CA1: variants seen among roughly 807,000 people sequenced by gnomAD.
CA1 encodes the protein carbonate dehydratase I.
CA1 carries 27 observed loss-of-function variants against 28.8 expected under a neutral mutation model. That is an observed-to-expected ratio of 0.94 (90% confidence interval 0.69 to 1.29). The LOEUF is 1.29. CA1 is among the 50% of genes most tolerant of loss of function. CA1 has a pLI of 0.00. For synonymous variants in CA1, 121 were observed against 108.8 expected (o/e 1.11, Z -0.70); for missense variants, 335 against 310.5 (o/e 1.08, Z -0.59).
At chr8:85,340,639 T>A (rs550177201) in intron 2 of CA1, among the ~76,000 whole-genome samples, 3 of 152,114 alleles carry the variant, frequency 2.0e-5, no homozygotes, top group African/African-American at 7.2e-5. Flanking sequence ...TGGATCTGAG[T>A]AAAGGAAATG....
At chr8:85,332,586 G>A in intron 5 of CA1, 34 bp from the exon 6 acceptor site, 1 of 1,522,140 alleles carries the variant, frequency 6.6e-7, no homozygotes, top group Non-Finnish European at 9.1e-7. Flanking sequence ...ATGAGATAAA[G>A]ATTATTATCA....
chr8:85,339,139 T>C (rs931135011), intron 2 of CA1, among the ~76,000 whole-genome samples: 1 of 152,228 alleles, frequency 6.6e-6, no homozygotes, highest in Non-Finnish European at 1.5e-5. Context: ...TAATACAAGC[T>C]TAACTCATTT....
At chr8:85,342,043 A>T (rs1160503876) in intron 1 of CA1, among the ~76,000 whole-genome samples, 2 of 152,140 alleles carry the variant, frequency 1.3e-5, no homozygotes, top group Non-Finnish European at 2.9e-5. Context: ...TTAGTTACCT[A>T]AGCAATATAT....
chr8:85,338,197 T>G (rs1808741083), intron 3 of CA1, 55 bp downstream of exon 3: 1 of 1,420,894 alleles, frequency 7.0e-7, no homozygotes, highest in East Asian at 2.3e-5. Flanking sequence ...CACTATTTTT[T>G]AAATTTTCCC....
chr8:85,329,507 G>A (rs1336173407), intron 7 of CA1, among the ~76,000 whole-genome samples, 182 bp downstream of exon 7: 1 of 151,312 alleles, frequency 6.6e-6, no homozygotes, highest in Admixed American at 6.6e-5. Context: ...GCAAAATAAA[G>A]TATTATAATG....
chr8:85,359,277 G>A (rs150468712), intron 1 of CA1, among the ~76,000 whole-genome samples: 62 of 152,280 alleles, frequency 4.1e-4, no homozygotes, highest in African/African-American at 7.9e-4. Context: ...AAGAAAGGCC[G>A]TAACTGGAAG....
intron 1 of CA1, chr8:85,351,701 C>G (rs567266592): frequency 2.6e-5 from 4 of 152,320 alleles, no homozygotes; most frequent in Non-Finnish European, 5.9e-5. Flanking sequence ...TACTGATTTA[C>G]GAGCAGCTTT....
chr8:85,356,681 C>G (rs983726421), intron 1 of CA1, among the ~76,000 whole-genome samples: 2 of 152,000 alleles, frequency 1.3e-5, no homozygotes, highest in Non-Finnish European at 2.9e-5. Flanking sequence ...TTTACTTAAT[C>G]TTAAAACTAA....
Position 85,329,713 on chromosome 8 carries a change from C to G in CA1, c.645G>C (p.Glu215Asp), listed in dbSNP as rs377158037. Reference protein sequence around the residue: ...YESVTWIICKESISVSSEQLA... With the variant: ...YESVTWIICKDSISVSSEQLA... ...CCTGCTCTGAGCTGACACTGATGCT[C>G]TCCTTACAGATGATCCAAGTTACAC... The change falls in exon 7 of 8, where the codon GAG becomes GAC. Residue 215 changes from glutamate to aspartate, a missense_variant. Glu to Asp is a conservative substitution (Grantham distance 45). Transcript: ENST00000523022. 148 of 1,610,948 alleles carry G rather than the reference C, an allele frequency of 9.2e-5. 1 individual carries two copies. In the Middle Eastern group the frequency reaches 1.6e-3, roughly 18 times the overall value.
intron 7 of CA1, 60 bp downstream of exon 7, chr8:85,329,629 T>C (rs2130115359): frequency 1.5e-6 from 2 of 1,359,362 alleles, no homozygotes; most frequent in Non-Finnish European, 2.1e-6. Context: ...TCACTGATAC[T>C]ATCAATTAAA....
At chr8:85,350,568 T>G (rs1029083067) in intron 1 of CA1, among the ~76,000 whole-genome samples, 1 of 152,158 alleles carries the variant, frequency 6.6e-6, no homozygotes, top group African/African-American at 2.4e-5. Flanking sequence ...AAGTTCCACA[T>G]AGCCTTTGTG....
intron 1 of CA1, among the ~76,000 whole-genome samples, chr8:85,377,652 A>G (rs1810466357): frequency 6.6e-6 from 1 of 152,122 alleles, no homozygotes; most frequent in Non-Finnish European, 1.5e-5. Flanking sequence ...AAAATACAGT[A>G]ATTAGCCAGG....
intron 1 of CA1, among the ~76,000 whole-genome samples, chr8:85,347,430 T>C (rs1809240309): frequency 6.6e-6 from 1 of 152,188 alleles, no homozygotes; most frequent in Non-Finnish European, 1.5e-5. Context: ...AAGAGGTGTA[T>C]TTCAGTGAAA....
intron 1 of CA1, among the ~76,000 whole-genome samples, chr8:85,343,450 G>T (rs886145624): frequency 5.9e-5 from 9 of 152,100 alleles, no homozygotes; most frequent in South Asian, 2.1e-4. Flanking sequence ...TGGAGGATTG[G>T]ATTAGGTGAT....
chr8:85,346,196 A>C (rs749018765), intron 1 of CA1, among the ~76,000 whole-genome samples: 1 of 152,186 alleles, frequency 6.6e-6, no homozygotes, highest in Non-Finnish European at 1.5e-5. Context: ...ATGCTAATTG[A>C]AATTACTGGC....
intron 1 of CA1, 112 bp from the exon 2 acceptor site, chr8:85,341,771 T>C (rs1808944223): frequency 1.5e-6 from 1 of 672,020 alleles, no homozygotes; most frequent in Non-Finnish European, 2.7e-6. Flanking sequence ...TAATAGGCCA[T>C]TATTTCATCA....
chr8:85,329,661 C>T, intron 7 of CA1, 28 bp downstream of exon 7: 9 of 1,588,934 alleles, frequency 5.7e-6, no homozygotes, highest in Non-Finnish European at 7.8e-6. Context: ...GCTACGCATT[C>T]CCAGTTCCCA....
chr8:85,334,798 C>T (rs910833861), intron 4 of CA1, among the ~76,000 whole-genome samples: 4 of 152,060 alleles, frequency 2.6e-5, no homozygotes, highest in African/African-American at 7.2e-5. Flanking sequence ...CGAGATCAGC[C>T]TGACCAACGT....
At chr8:85,361,929 A>G (rs1809812313) in intron 1 of CA1, among the ~76,000 whole-genome samples, 2 of 152,006 alleles carry the variant, frequency 1.3e-5, no homozygotes, top group African/African-American at 4.8e-5. Flanking sequence ...ATGGCAGACC[A>G]TACAGAGAGG....
Sources: gnomAD v4.1 joint callset for allele counts (sites outside exome capture counted in the v4.1 genomes callset) on GRCh38, gnomAD v4.1.1 for gene constraint, MANE v1.5 for transcripts, NCBI Gene and HGNC (gene_info 2026-07-23, HGNC 2026-07-21) for gene names.